CNNM4: variants seen among roughly 807,000 people sequenced by gnomAD.
CNNM4 encodes the protein metal transporter CNNM4.
A neutral mutation model predicts 53.7 loss-of-function variants in CNNM4; 32 were observed. The observed-to-expected ratio is 0.60, with a 90% confidence interval of 0.45 to 0.80. The LOEUF is 0.80. Ranked by LOEUF, CNNM4 falls within the 30% of genes least tolerant of loss-of-function variation. The pLI is 0.00. For missense variants in CNNM4, 784 were observed against 1,022.0 expected (o/e 0.77, Z 3.17); for synonymous variants, 410 against 440.0 (o/e 0.93, Z 0.85).
chr2:96,798,695 A>T (rs2079128555), intron 3 of CNNM4, among the ~76,000 whole-genome samples: 1 of 152,122 alleles, frequency 6.6e-6, no homozygotes, highest in African/African-American at 2.4e-5. Context: ...TGGACAGCAC[A>T]TATATACTAA....
At position 96,761,901 on chromosome 2, in the gene CNNM4, A is replaced by G; in HGVS notation, c.902A>G (p.Asn301Ser). The part of the protein sequence containing the change: ...CSRHGLAVGA[N>S]TILLTKFFML... ...CGACATGGGCTGGCTGTGGGTGCCAACACCATCCTTCTCACCAAATTCTTT... is the reference window on the plus strand; with the variant it reads ...CGACATGGGCTGGCTGTGGGTGCCAGCACCATCCTTCTCACCAAATTCTTT... The change falls in exon 1 of 7, where the codon AAC becomes AGC. Residue 301 changes from asparagine (N) to serine (S), a missense_variant. Coordinates refer to ENST00000377075, the MANE Select transcript of CNNM4 (RefSeq NM_020184.4). The surrounding 1 kb of genome is among the most constrained non-coding windows in gnomAD (Gnocchi z 6.0). 6.2e-6 allele frequency: 10 copies of G among 1,614,144 alleles called. No homozygotes were observed. The highest frequency in any genetic ancestry group is 8.5e-6 in the Non-Finnish European group (10 of 1,180,014).
intron 5 of CNNM4, among the ~76,000 whole-genome samples, chr2:96,803,725 TAA>T (rs75290184): frequency 1.5e-4 from 21 of 143,506 alleles, no homozygotes; most frequent in African/African-American, 4.5e-4. Context: ...AAACTCTGTC[TAA>T]AAAAAAAAAA....
chr2:96,796,140 T>TG (rs1187190956), intron 1 of CNNM4, among the ~76,000 whole-genome samples: 3 of 124,492 alleles, frequency 2.4e-5, no homozygotes, highest in African/African-American at 3.6e-5. Context: ...TCTTTTTTTT[T>TG]TTTTTTTTTT....
At chr2:96,773,397 C>T (rs940100662) in intron 1 of CNNM4, among the ~76,000 whole-genome samples, 4 of 152,128 alleles carry the variant, frequency 2.6e-5, no homozygotes, top group Non-Finnish European at 5.9e-5. Context: ...TGCTATTATC[C>T]AAAGGTGCCC....
intron 1 of CNNM4, among the ~76,000 whole-genome samples, chr2:96,770,202 C>A (rs368938465): frequency 5.9e-5 from 9 of 152,348 alleles, no homozygotes; most frequent in African/African-American, 2.2e-4. Flanking sequence ...TGCTGTGCAT[C>A]GAGGCCCTGA....
chr2:96,775,102 A>G (rs368165948), intron 1 of CNNM4, among the ~76,000 whole-genome samples: 3 of 151,462 alleles, frequency 2.0e-5, no homozygotes, highest in East Asian at 3.9e-4. Context: ...GATGCATAAT[A>G]TAGAGAAAAG....
In CNNM4 at chr2:96,797,784, A is replaced by G; in HGVS notation, c.1681+137A>G. ...GCAGAGACAACACAGCCACCCCTGG[A>G]AGGGGCCGGGTATCTGCTCCACCCC... On this transcript the variant is annotated intron_variant, in intron 3 of 6. Transcript: ENST00000377075. The surrounding 1 kb of genome is among the most constrained non-coding windows in gnomAD (Gnocchi z 6.0). 1 of 1,205,570 alleles carries G rather than the reference A, an allele frequency of 8.3e-7. No individual in the cohort carries two copies. Among genetic ancestry groups the G allele is most frequent in the Non-Finnish European group, 1.2e-6 (1 of 845,494 alleles). The allele number at this position is 1,205,570 out of a possible 1,614,324, so 74.7% of individuals were successfully genotyped here. A position where few individuals can be genotyped will look rare whatever the true frequency, so the allele number is the denominator to read the frequency against.
At chr2:96,792,061 C>T (rs1285615179) in intron 1 of CNNM4, among the ~76,000 whole-genome samples, 2 of 151,772 alleles carry the variant, frequency 1.3e-5, no homozygotes. Context: ...GGAGAGTAGC[C>T]TGGCCAACAT....
chr2:96,794,562 G>T (rs547084814), intron 1 of CNNM4, among the ~76,000 whole-genome samples: 1 of 152,274 alleles, frequency 6.6e-6, no homozygotes, highest in East Asian at 1.9e-4. Flanking sequence ...CCCTTGAGTA[G>T]CTGTGGCCCC....
At chr2:96,792,980 G>C (rs1028587792) in intron 1 of CNNM4, among the ~76,000 whole-genome samples, 1 of 152,112 alleles carries the variant, frequency 6.6e-6, no homozygotes, top group African/African-American at 2.4e-5. Flanking sequence ...TGGAGGGCAC[G>C]GGAGAGGACA....
In CNNM4 at chr2:96,801,097, G is replaced by A. The variant is rs1249303257; in HGVS notation, c.1948+1449G>A. ...TGCCTTCAGTCCAGGTCGGGTGTCC[G>A]CCTGGCAAGCGGAACTCCCTGCTCT... On this transcript the variant is annotated intron_variant, in intron 5 of 6. Transcript: ENST00000377075. This position sits in a 1 kb window ranked among gnomAD's most constrained non-coding sequence, Gnocchi z 5.6. 2 of 985,276 alleles carry A rather than the reference G, an allele frequency of 2.0e-6. No homozygotes were observed. Among genetic ancestry groups the A allele is most frequent in the East Asian group, 1.1e-4 (1 of 8,826 alleles). The allele number at this position is 985,276 out of a possible 1,614,324, so 61.0% of individuals were successfully genotyped here.
At chr2:96,784,485 G>A (rs1165045505) in intron 1 of CNNM4, among the ~76,000 whole-genome samples, 2 of 152,166 alleles carry the variant, frequency 1.3e-5, no homozygotes, top group Non-Finnish European at 2.9e-5. Flanking sequence ...TTTTGTAGAT[G>A]CTTGATATTT....
intron 1 of CNNM4, among the ~76,000 whole-genome samples, chr2:96,764,271 T>C (rs2078792978): frequency 6.6e-6 from 1 of 152,124 alleles, no homozygotes; most frequent in Admixed American, 6.5e-5. Context: ...CAAGTGCCCT[T>C]TCATTAAGTT....
intron 1 of CNNM4, among the ~76,000 whole-genome samples, chr2:96,772,593 G>A (rs1215695216): frequency 2.4e-5 from 3 of 125,154 alleles, no homozygotes; most frequent in Non-Finnish European, 3.3e-5. Flanking sequence ...ACAGGCAGGC[G>A]CTCACTCACA....
At chr2:96,783,691 C>T (rs890967704) in intron 1 of CNNM4, among the ~76,000 whole-genome samples, 2 of 152,166 alleles carry the variant, frequency 1.3e-5, no homozygotes, top group African/African-American at 4.8e-5. Flanking sequence ...TTCTTTGACT[C>T]CTATCTTAAG....
chr2:96,781,507 C>A (rs2078975240), intron 1 of CNNM4, among the ~76,000 whole-genome samples: 2 of 152,304 alleles, frequency 1.3e-5, no homozygotes, highest in African/African-American at 4.8e-5. Context: ...AGCCACCATG[C>A]CCGCACCTGA....
Position 96,806,345 on chromosome 2 carries a change from C to CT in CNNM4, c.1949-2206dup, listed in dbSNP as rs540502738. ...AAGACTTGAACTCAGACTTCTCTCT[C>CT]TTTTTTTTTTATTTAATTAGATCTT... On this transcript the variant is annotated intron_variant, in intron 5 of 6. Transcript: ENST00000377075. 1.5e-4 allele frequency among the ~76,000 whole-genome samples: 23 copies of CT among 149,352 alleles called. No individual in the cohort carries two copies. In the South Asian group the frequency reaches 1.7e-3, roughly 11 times the overall value.
intron 1 of CNNM4, among the ~76,000 whole-genome samples, chr2:96,793,344 A>G (rs1400576249): frequency 6.6e-6 from 1 of 152,150 alleles, no homozygotes; most frequent in Non-Finnish European, 1.5e-5. Flanking sequence ...AATAGGAAAA[A>G]CAGCCCAGGG....
chr2:96,774,960 CAAAAAAAAAAAAAAAAAAAAAAAAAA>C (rs56997097), intron 1 of CNNM4, among the ~76,000 whole-genome samples: 1 of 17,666 alleles, frequency 5.7e-5, no homozygotes, highest in Non-Finnish European at 1.2e-4. Context: ...GACTCCATCT[CAAAAAAAAAAAAAAAAAAAAAAAAAA>C]AAAAAAAAAA....
Sources: gnomAD v4.1 joint callset for allele counts (sites outside exome capture counted in the v4.1 genomes callset) on GRCh38, gnomAD v4.1.1 for gene constraint, Gnocchi (gnomAD v3.1) non-coding constraint, MANE v1.5 for transcripts, NCBI Gene and HGNC (gene_info 2026-07-23, HGNC 2026-07-21) for gene names.